GRIK4: variants seen among roughly 807,000 people sequenced by gnomAD.
The protein encoded by GRIK4 is glutamate receptor ionotropic, kainate 4.
In GRIK4, 40 loss-of-function variants were observed where a neutral mutation model predicts 104.9. That is an observed-to-expected ratio of 0.38 (90% confidence interval 0.30 to 0.50). The LOEUF is 0.50. Among genes scored for constraint, GRIK4 ranks in the 20% least tolerant of loss-of-function variants. The pLI is 0.93. For missense variants in GRIK4, 1,047 were observed against 1,308.1 expected, an observed-to-expected ratio of 0.80 and a Z score of 3.08; for synonymous variants, 485 against 524.9, an observed-to-expected ratio of 0.92 and a Z score of 1.04.
In GRIK4 at chr11:120,584,630, A is replaced by C. The variant is rs529612084; in HGVS notation, c.-158-69055A>C. Among the ~76,000 whole-genome samples the C allele has an allele frequency of 9.6e-4, 147 of 152,348 alleles. 1 individual carries two copies. The highest frequency in any genetic ancestry group is 2.8e-3 in the Admixed American group (43 of 15,308). On this transcript the variant is annotated intron_variant, in intron 1 of 20. Coordinates refer to ENST00000527524, the MANE Select transcript of GRIK4 (RefSeq NM_014619.5). ...GGATCCACCCTCATGATCCAGTCAC[A>C]TTCCACCAGGCTCCACCTCCAACAC...
intron 8 of GRIK4, among the ~76,000 whole-genome samples, chr11:120,847,126 G>A (rs1953870075): frequency 6.6e-6 from 1 of 152,216 alleles, no homozygotes; most frequent in Admixed American, 6.5e-5. Flanking sequence ...TTGGATTGTT[G>A]AGAGCATCTA....
intron 3 of GRIK4, among the ~76,000 whole-genome samples, chr11:120,794,295 T>A (rs1368548685): frequency 6.6e-6 from 1 of 151,652 alleles, no homozygotes; most frequent in African/African-American, 2.4e-5. Flanking sequence ...AGGCGATGGT[T>A]GGAGGGGAAG....
intron 2 of GRIK4, among the ~76,000 whole-genome samples, chr11:120,657,284 C>G (rs1949726396): frequency 6.6e-6 from 1 of 152,170 alleles, no homozygotes; most frequent in South Asian, 2.1e-4. Context: ...ACTGAATAAT[C>G]AACTTTATCC....
At chr11:120,774,182 G>C (rs1951997359) in intron 3 of GRIK4, among the ~76,000 whole-genome samples, 1 of 152,178 alleles carries the variant, frequency 6.6e-6, no homozygotes, top group Non-Finnish European at 1.5e-5. Context: ...GCTCTGCCTG[G>C]AGGAGCCAGA....
intron 9 of GRIK4, among the ~76,000 whole-genome samples, chr11:120,866,874 G>T (rs528846687): frequency 2.0e-4 from 31 of 152,286 alleles, no homozygotes; most frequent in African/African-American, 7.2e-4. Context: ...TTTCACCTCG[G>T]CACAGAGCTG....
intron 1 of GRIK4, among the ~76,000 whole-genome samples, chr11:120,583,862 A>G (rs878913932): frequency 1.3e-5 from 2 of 152,216 alleles, no homozygotes; most frequent in East Asian, 1.9e-4. Context: ...ATGTTTTTCC[A>G]TTTGTTTATG....
rs138577096 is a variant in GRIK4 at position 120,841,748 on chromosome 11, C to T, written c.744+4904C>T. On this transcript the variant is annotated intron_variant, in intron 8 of 20. Transcript: ENST00000527524. ...TCCTGTCAGCAATGTACAAAGGTCC[C>T]GGTTTCTCTGCAACCTTGACAATAC... 6.0e-4 allele frequency among the ~76,000 whole-genome samples: 92 copies of T among 152,266 alleles called. No individual in the cohort carries two copies. In the East Asian group the frequency reaches 7.7e-3, roughly 13 times the overall value.
At chr11:120,745,401 C>G (rs1591859021) in intron 3 of GRIK4, among the ~76,000 whole-genome samples, 1 of 152,170 alleles carries the variant, frequency 6.6e-6, no homozygotes, top group African/African-American at 2.4e-5. Flanking sequence ...TACACTGTAT[C>G]GTGAACAGCT....
rs1949145221 is a variant in GRIK4, at chr11:120,618,643, A to T, written c.-158-35042A>T. On this transcript the variant is annotated intron_variant, in intron 1 of 20. Coordinates refer to ENST00000527524, the MANE Select transcript of GRIK4 (RefSeq NM_014619.5). ...CCAGGGCCCTGCTGCCTTGCACAGC[A>T]TCAGGACACTGTTCCATACAGCCCA... Among the ~76,000 whole-genome samples, 6 of 152,354 alleles carry T rather than the reference A, an allele frequency of 3.9e-5. No individual in the cohort carries two copies. The South Asian group carries it at 1.2e-3, about 32-fold the overall frequency.
At chr11:120,642,875 A>G (rs1949487990) in intron 1 of GRIK4, among the ~76,000 whole-genome samples, 1 of 152,188 alleles carries the variant, frequency 6.6e-6, no homozygotes, top group Admixed American at 6.5e-5. Context: ...TTCAATAGGG[A>G]GGCATTAAAT....
At chr11:120,661,514 C>T (rs1234895599) in intron 3 of GRIK4, among the ~76,000 whole-genome samples, 1 of 152,236 alleles carries the variant, frequency 6.6e-6, no homozygotes, top group African/African-American at 2.4e-5. Context: ...TAGAGGCTGA[C>T]TTAGAGCAAA....
chr11:120,807,429 C>A (rs1952735960), intron 4 of GRIK4, among the ~76,000 whole-genome samples: 1 of 152,188 alleles, frequency 6.6e-6, no homozygotes, highest in Non-Finnish European at 1.5e-5. Context: ...TATCAGCTGT[C>A]CGCACAGTTT....
intron 3 of GRIK4, among the ~76,000 whole-genome samples, chr11:120,667,218 AC>A (rs1949929499): frequency 6.6e-6 from 1 of 152,254 alleles, no homozygotes; most frequent in Non-Finnish European, 1.5e-5. Flanking sequence ...ATAACCATTA[AC>A]AAGAGCTTAG....
chr11:120,522,521 A>G (rs1392346884), intron 1 of GRIK4, among the ~76,000 whole-genome samples: 1 of 152,050 alleles, frequency 6.6e-6, no homozygotes, highest in Non-Finnish European at 1.5e-5. Flanking sequence ...GGGTTTCACC[A>G]TGTTGGCCAG....
Position 120,622,290 on chromosome 11 carries a change from G to A in GRIK4, c.-158-31395G>A, listed in dbSNP as rs540534220. Reference sequence around the variant, plus strand: ...ATTTTCACAACAACCCCATGAACTAGGTACTATTACTACCCCCATTTTTCA... The same window carrying A: ...ATTTTCACAACAACCCCATGAACTAAGTACTATTACTACCCCCATTTTTCA... On this transcript the variant is annotated intron_variant, in intron 1 of 20. Coordinates refer to ENST00000527524, the MANE Select transcript of GRIK4 (RefSeq NM_014619.5). Among the ~76,000 whole-genome samples, 30 of 152,258 alleles carry A rather than the reference G, an allele frequency of 2.0e-4. No individual in the cohort carries two copies. In the East Asian group the frequency reaches 4.8e-3, roughly 24 times the overall value.
chr11:120,966,374 A>G (rs1944383994), intron 18 of GRIK4, among the ~76,000 whole-genome samples: 1 of 152,062 alleles, frequency 6.6e-6, no homozygotes, highest in South Asian at 2.1e-4. Context: ...AAATTAATTA[A>G]TTTATTTATT....
At chr11:120,594,486 A>T (rs895172320) in intron 1 of GRIK4, among the ~76,000 whole-genome samples, 1 of 152,004 alleles carries the variant, frequency 6.6e-6, no homozygotes, top group African/African-American at 2.4e-5. Context: ...AAATAAATAA[A>T]TAATAAATAA....
At chr11:120,708,537 T>C (rs1591822939) in intron 3 of GRIK4, among the ~76,000 whole-genome samples, 1 of 151,920 alleles carries the variant, frequency 6.6e-6, no homozygotes, top group African/African-American at 2.4e-5. Flanking sequence ...TCAGTATGGG[T>C]ATTTTTCCTT....
intron 3 of GRIK4, among the ~76,000 whole-genome samples, chr11:120,664,766 C>G (rs770735180): frequency 6.6e-6 from 1 of 152,110 alleles, no homozygotes; most frequent in Non-Finnish European, 1.5e-5. Flanking sequence ...CACTTTTTAC[C>G]TCAAAAGCAT....
Sources: allele counts gnomAD v4.1 joint callset (sites outside exome capture counted in the v4.1 genomes callset), GRCh38; gene constraint gnomAD v4.1.1; transcripts MANE v1.5; gene names NCBI Gene and HGNC (gene_info 2026-07-23, HGNC 2026-07-21).